The following NEGR1 variants were observed in gnomAD, a reference collection of about 807,000 sequenced individuals.
NEGR1 encodes the protein neuronal growth regulator 1.
In NEGR1, 10 loss-of-function variants were observed where a neutral mutation model predicts 40.9. That is an observed-to-expected ratio of 0.24 (90% confidence interval 0.15 to 0.42). NEGR1 has a LOEUF of 0.42. Ranked by LOEUF, NEGR1 falls within the 10% of genes least tolerant of loss-of-function variation. NEGR1 has a pLI of 1.00. For missense variants in NEGR1, 352 were observed against 438.9 expected (o/e 0.80, Z 1.77); for synonymous variants, 185 against 166.8 (o/e 1.11, Z -0.84).
intron 6 of NEGR1, among the ~76,000 whole-genome samples, chr1:71,538,951 T>C (rs1474937594): frequency 6.6e-6 from 1 of 151,774 alleles, no homozygotes; most frequent in Non-Finnish European, 1.5e-5. Flanking sequence ...TAATAGGTTA[T>C]AATAGTTGGT....
intron 1 of NEGR1, among the ~76,000 whole-genome samples, chr1:72,069,301 A>G (rs1179688146): frequency 6.6e-6 from 1 of 151,954 alleles, no homozygotes; most frequent in Non-Finnish European, 1.5e-5. Context: ...ACTCATAGCC[A>G]GGCATGGAGG....
At chr1:71,676,125 T>C (rs563661635) in intron 4 of NEGR1, among the ~76,000 whole-genome samples, 54 of 152,298 alleles carry the variant, frequency 3.5e-4, no homozygotes, top group African/African-American at 1.1e-3. Flanking sequence ...TATGTAAGTA[T>C]TTTGTAAGGT....
intron 1 of NEGR1, among the ~76,000 whole-genome samples, chr1:72,082,925 A>T (rs1648063816): frequency 6.6e-6 from 1 of 152,140 alleles, no homozygotes; most frequent in Non-Finnish European, 1.5e-5. Flanking sequence ...ATGCCTCAAT[A>T]TTGGAATACG....
At chr1:71,504,051 A>AAC (rs1433735769) in intron 6 of NEGR1, among the ~76,000 whole-genome samples, 1 of 149,806 alleles carries the variant, frequency 6.7e-6, no homozygotes, top group Non-Finnish European at 1.5e-5. Flanking sequence ...TTCGAGATTC[A>AAC]ACAAGAAAAA....
chr1:72,259,240 A>G (rs1655374961), intron 1 of NEGR1, among the ~76,000 whole-genome samples: 1 of 152,134 alleles, frequency 6.6e-6, no homozygotes, highest in African/African-American at 2.4e-5. Flanking sequence ...TTGTAACTCA[A>G]TTCAATTCAG....
At chr1:71,806,275 A>C (rs1434553027) in intron 2 of NEGR1, among the ~76,000 whole-genome samples, 1 of 151,966 alleles carries the variant, frequency 6.6e-6, no homozygotes, top group Non-Finnish European at 1.5e-5. Flanking sequence ...TAGCTCCTGA[A>C]GTTAAGCACC....
chr1:71,808,751 A>G (rs1657873084), intron 2 of NEGR1, among the ~76,000 whole-genome samples: 1 of 152,186 alleles, frequency 6.6e-6, no homozygotes, highest in Admixed American at 6.5e-5. Context: ...AAAAAGAACA[A>G]TAGAAAATGA....
At chr1:72,222,657 G>A (rs539055857) in intron 1 of NEGR1, among the ~76,000 whole-genome samples, 3 of 152,172 alleles carry the variant, frequency 2.0e-5, no homozygotes, top group Admixed American at 6.6e-5. Flanking sequence ...TGTTAATGGT[G>A]GTTAGGTTCA....
intron 3 of NEGR1, among the ~76,000 whole-genome samples, chr1:71,710,420 T>C (rs969071743): frequency 2.1e-4 from 32 of 152,320 alleles, no homozygotes; most frequent in African/African-American, 6.5e-4. Context: ...GAGGTATCTG[T>C]ACTCCTATGT....
chr1:71,701,143 TG>T (rs1653678019), intron 3 of NEGR1, among the ~76,000 whole-genome samples: 1 of 152,068 alleles, frequency 6.6e-6, no homozygotes, highest in South Asian at 2.1e-4. Context: ...AATAAATTTT[TG>T]CTCTTTTTAG....
intron 6 of NEGR1, among the ~76,000 whole-genome samples, chr1:71,466,100 C>T (rs1457467332): frequency 2.0e-5 from 3 of 151,936 alleles, no homozygotes; most frequent in Admixed American, 6.6e-5. Context: ...AGCCCCCTCA[C>T]CTGCAAAATG....
In NEGR1 at chr1:71,407,336, G is replaced by C; in HGVS notation, c.*110C>G. ...TTCTACAGAAGGCGATCATCCCCAT[G>C]TAAGCACTGCTGATTATATCCCACG... On this transcript the variant is annotated 3_prime_UTR_variant, in exon 7 of 7. Transcript: ENST00000357731. 1 of 905,936 alleles carries C rather than the reference G, an allele frequency of 1.1e-6. No homozygotes were observed. Among genetic ancestry groups the C allele is most frequent in the Non-Finnish European group, 1.7e-6 (1 of 583,010 alleles). The allele number at this position is 905,936 out of a possible 1,614,324, so 56.1% of individuals were successfully genotyped here.
chr1:72,260,702 G>A (rs1020833303), intron 1 of NEGR1, among the ~76,000 whole-genome samples: 4 of 152,034 alleles, frequency 2.6e-5, no homozygotes, highest in African/African-American at 4.8e-5. Flanking sequence ...CTAAATAGTT[G>A]CTCAAATTGG....
intron 6 of NEGR1, among the ~76,000 whole-genome samples, chr1:71,573,780 C>T (rs1180095731): frequency 6.6e-6 from 1 of 152,154 alleles, no homozygotes; most frequent in African/African-American, 2.4e-5. Flanking sequence ...ACAAGAAAGA[C>T]TCTCTAGACT....
At chr1:71,920,283 A>G (rs1027334409) in intron 2 of NEGR1, among the ~76,000 whole-genome samples, 1 of 152,156 alleles carries the variant, frequency 6.6e-6, no homozygotes, top group African/African-American at 2.4e-5. Flanking sequence ...ATGGAACAAG[A>G]CAATGCGAGT....
At position 71,398,298 on chromosome 1, in the gene NEGR1, CACAG is replaced by C. The variant is rs1557512653; in HGVS notation, c.*9144_*9147del. The C allele has an allele frequency of 1.3e-5, 2 of 152,492 alleles. No homozygotes were observed. Among genetic ancestry groups the C allele is most frequent in the African/African-American group, 2.4e-5 (1 of 41,474 alleles). 9.4% of individuals were successfully genotyped at this position (152,492 alleles called of 1,614,324 possible). A position where few individuals can be genotyped will look rare whatever the true frequency, so the allele number is the denominator to read the frequency against. Reference sequence around the variant, plus strand: ...GCTTGCACCATGCACCTGGAAAAGGCACAGACACTCAATGCCAGCTGGTGAAAGC... The same window carrying C: ...GCTTGCACCATGCACCTGGAAAAGGCACACTCAATGCCAGCTGGTGAAAGC... On this transcript the variant is annotated 3_prime_UTR_variant, in exon 7 of 7. Coordinates refer to ENST00000357731, the MANE Select transcript of NEGR1 (RefSeq NM_173808.3).
At chr1:71,621,951 A>T (rs894818741) in intron 4 of NEGR1, among the ~76,000 whole-genome samples, 1 of 151,936 alleles carries the variant, frequency 6.6e-6, no homozygotes, top group Non-Finnish European at 1.5e-5. Context: ...ATAAAAGTGC[A>T]GTAAGAAGAG....
chr1:72,085,084 T>C (rs1648160534), intron 1 of NEGR1, among the ~76,000 whole-genome samples: 1 of 152,184 alleles, frequency 6.6e-6, no homozygotes, highest in South Asian at 2.1e-4. Flanking sequence ...TTCCCGCTGA[T>C]TGCCCAAAGA....
intron 2 of NEGR1, among the ~76,000 whole-genome samples, chr1:71,895,379 C>G (rs963882607): frequency 6.6e-6 from 1 of 152,118 alleles, no homozygotes; most frequent in Non-Finnish European, 1.5e-5. Context: ...AAGTTTTTAG[C>G]AAATCCAGTT....
Sources: gnomAD v4.1 joint callset for allele counts (sites outside exome capture counted in the v4.1 genomes callset) on GRCh38, gnomAD v4.1.1 for gene constraint, MANE v1.5 for transcripts, NCBI Gene and HGNC (gene_info 2026-07-23, HGNC 2026-07-21) for gene names.